Variants in FSTL5 observed in about 807,000 individuals in gnomAD.
FSTL5 encodes follistatin-related protein 5.
FSTL5 carries 62 observed loss-of-function variants against 89.1 expected under a neutral mutation model. That is an observed-to-expected ratio of 0.70 (90% CI 0.57 to 0.86). The LOEUF (loss-of-function observed/expected upper bound fraction) is 0.86. Ranked by LOEUF, FSTL5 falls within the 40% of genes least tolerant of loss-of-function variation. The pLI is 0.00. For missense variants in FSTL5, 1,057 were observed against 1,001.6 expected (o/e 1.06, Z -0.75); for synonymous variants, 383 against 346.2 (o/e 1.11, Z -1.18).
At chr4:162,060,002 G>C (rs1738670743) in intron 2 of FSTL5, among the ~76,000 whole-genome samples, 1 of 152,132 alleles carries the variant, frequency 6.6e-6, no homozygotes, top group Non-Finnish European at 1.5e-5. Flanking sequence ...AATATGTTCT[G>C]TCTAACATAT....
intron 4 of FSTL5, among the ~76,000 whole-genome samples, chr4:161,905,470 A>G (rs900965706): frequency 6.6e-6 from 1 of 152,124 alleles, no homozygotes; most frequent in Non-Finnish European, 1.5e-5. Flanking sequence ...GCCACTTTTT[A>G]TTTTGGAAAA....
chr4:161,880,870 A>AG (rs1410417043), intron 4 of FSTL5, among the ~76,000 whole-genome samples: 3 of 152,176 alleles, frequency 2.0e-5, no homozygotes, highest in African/African-American at 7.2e-5. Flanking sequence ...TTATACCAGT[A>AG]GTTGCCATGA....
intron 2 of FSTL5, among the ~76,000 whole-genome samples, chr4:162,099,663 C>T (rs1446611266): frequency 6.6e-6 from 1 of 151,938 alleles, no homozygotes; most frequent in Non-Finnish European, 1.5e-5. Flanking sequence ...AAAATATTTA[C>T]AAAAGATATA....
At chr4:161,773,257 G>T (rs929435350) in intron 5 of FSTL5, among the ~76,000 whole-genome samples, 5 of 152,082 alleles carry the variant, frequency 3.3e-5, no homozygotes, top group African/African-American at 1.2e-4. Context: ...GATAACATCA[G>T]AAAAACCTTT....
intron 14 of FSTL5, among the ~76,000 whole-genome samples, chr4:161,457,945 A>G (rs900000009): frequency 1.1e-4 from 17 of 152,202 alleles, no homozygotes; most frequent in Admixed American, 6.5e-5. Context: ...TTCGATGAAT[A>G]TGATGTAGCA....
chr4:162,128,301 T>C (rs1732163801), intron 1 of FSTL5, among the ~76,000 whole-genome samples: 1 of 152,220 alleles, frequency 6.6e-6, no homozygotes, highest in African/African-American at 2.4e-5. Flanking sequence ...TTTGCTGTGG[T>C]CTGAATGTTT....
In FSTL5 at chr4:161,748,932, A is replaced by G. The variant is rs115897879; in HGVS notation, c.727+10479T>C. On this transcript the variant is annotated intron_variant, in intron 6 of 15. Coordinates refer to ENST00000306100, the MANE Select transcript of FSTL5 (RefSeq NM_020116.5). ...AAAAAAATACATGAAAAAATGTTTA[A>G]CATCACTAAGCATCGGATAAATGCA... is the stretch of plus-strand genomic sequence containing the variant. Among the ~76,000 whole-genome samples the G allele has an allele frequency of 1.4e-3, 216 of 152,246 alleles. 1 individual carries two copies. The highest frequency in any genetic ancestry group is 4.0e-3 in the African/African-American group (168 of 41,550).
chr4:162,095,514 T>A (rs1670997407), intron 2 of FSTL5, among the ~76,000 whole-genome samples: 1 of 151,892 alleles, frequency 6.6e-6, no homozygotes, highest in African/African-American at 2.4e-5. Flanking sequence ...TCCTGGGAGG[T>A]GAATAAGGGA....
intron 8 of FSTL5, among the ~76,000 whole-genome samples, chr4:161,582,063 A>G (rs1292474938): frequency 6.6e-6 from 1 of 152,232 alleles, no homozygotes; most frequent in African/African-American, 2.4e-5. Flanking sequence ...TTCAATATCT[A>G]ATTTGCATTG....
At chr4:161,538,723 GAGCTAAATC>G (rs1731719984) in intron 9 of FSTL5, among the ~76,000 whole-genome samples, 1 of 151,944 alleles carries the variant, frequency 6.6e-6, no homozygotes, top group African/African-American at 2.4e-5. Context: ...GTAATTAATT[GAGCTAAATC>G]ATGCAGGTAT....
At chr4:161,831,787 A>T (rs1730853733) in intron 4 of FSTL5, among the ~76,000 whole-genome samples, 1 of 151,836 alleles carries the variant, frequency 6.6e-6, no homozygotes, top group Admixed American at 6.6e-5. Flanking sequence ...ACAGCATAAT[A>T]ATATATAACA....
chr4:161,569,150 G>A (rs1732918181), intron 8 of FSTL5, among the ~76,000 whole-genome samples: 1 of 152,130 alleles, frequency 6.6e-6, no homozygotes, highest in Non-Finnish European at 1.5e-5. Context: ...TACCATGCCT[G>A]GATAATTTTT....
intron 5 of FSTL5, among the ~76,000 whole-genome samples, chr4:161,766,980 C>T (rs1368685873): frequency 6.6e-6 from 1 of 151,998 alleles, no homozygotes; most frequent in African/African-American, 2.4e-5. Flanking sequence ...AATCTCAGGC[C>T]ATTCGGTTAC....
chr4:161,453,607 T>C (rs1191956376), intron 15 of FSTL5, among the ~76,000 whole-genome samples: 3 of 152,130 alleles, frequency 2.0e-5, no homozygotes, highest in East Asian at 1.9e-4. Flanking sequence ...ATTACTATTA[T>C]TATTTTTTGA....
chr4:161,762,505 A>C (rs985621329), intron 5 of FSTL5, among the ~76,000 whole-genome samples: 1 of 152,176 alleles, frequency 6.6e-6, no homozygotes, highest in African/African-American at 2.4e-5. Flanking sequence ...ACACTGCCAG[A>C]TTCACTAAAT....
intron 15 of FSTL5, among the ~76,000 whole-genome samples, chr4:161,407,456 G>C (rs761140905): frequency 2.0e-5 from 3 of 152,160 alleles, no homozygotes; most frequent in Non-Finnish European, 2.9e-5. Flanking sequence ...TGAGATGCCT[G>C]AACACTATGG....
chr4:162,021,676 A>G lies in FSTL5; in HGVS notation c.160+11949T>C, dbSNP rs1737090204. On this transcript the variant is annotated intron_variant, in intron 3 of 15. Transcript: ENST00000306100. ...TGGAGGTCATTATCTTAAGGGAAAC[A>G]ACTTAGAAACAGAAAGTCAAATGCA... Among the ~76,000 whole-genome samples the G allele has an allele frequency of 2.6e-5, 4 of 152,276 alleles. No individual in the cohort carries two copies. The South Asian group carries it at 8.3e-4, about 32-fold the overall frequency.
chr4:162,111,429 T>C lies in FSTL5; in HGVS notation c.-16-17A>G. ...GCTTTTCACCTGTCAAAATTAAAAT[T>C]GCAAGGAATCAGAGAAAATGAATTA... On this transcript the variant is annotated splice_polypyrimidine_tract_variant and intron_variant, in intron 1 of 15. Transcript: ENST00000306100. The C allele has an allele frequency of 6.3e-7, 1 of 1,575,162 alleles. No individual in the cohort carries two copies.
chr4:161,980,285 GAA>G, intron 3 of FSTL5, among the ~76,000 whole-genome samples: 1 of 150,722 alleles, frequency 6.6e-6, no homozygotes, highest in East Asian at 1.9e-4. Flanking sequence ...AAGAAAGAAA[GAA>G]AGAGAAAGAA....
Sources: allele counts gnomAD v4.1 joint callset (sites outside exome capture counted in the v4.1 genomes callset), GRCh38; gene constraint gnomAD v4.1.1; transcripts MANE v1.5; gene names NCBI Gene and HGNC (gene_info 2026-07-23, HGNC 2026-07-21).